TXNDC5: variants seen among roughly 807,000 people sequenced by gnomAD.
TXNDC5 encodes the protein thioredoxin domain containing 5.
TXNDC5 carries 44 observed loss-of-function variants against 52.6 expected under a neutral mutation model. That is an observed-to-expected ratio of 0.84 (90% CI 0.66 to 1.08). The LOEUF (loss-of-function observed/expected upper bound fraction) is 1.08. Ranked by LOEUF, TXNDC5 falls within the 50% of genes least tolerant of loss-of-function variation. The pLI is 0.00. For missense variants in TXNDC5, 600 were observed against 565.5 expected, an observed-to-expected ratio of 1.06 and a Z score of -0.62; for synonymous variants, 241 against 234.4, an observed-to-expected ratio of 1.03 and a Z score of -0.26.
At chr6:7,885,910 T>C (rs1759956361) in intron 8 of TXNDC5, 51 bp downstream of exon 8, 2 of 1,554,822 alleles carry the variant, frequency 1.3e-6, no homozygotes, top group African/African-American at 2.7e-5. Context: ...AAAAACATGA[T>C]GTGACTTAGT....
intron 5 of TXNDC5, among the ~76,000 whole-genome samples, chr6:7,890,039 G>A (rs1225948): frequency 0.32 from 48,167 of 152,018 alleles, 8,254 homozygotes; most frequent in East Asian, 0.65. Context: ...GGAGCAAGAA[G>A]TGAATTTTAA....
chr6:7,883,700 C>T (rs1427673570), intron 9 of TXNDC5, among the ~76,000 whole-genome samples: 6 of 152,088 alleles, frequency 3.9e-5, no homozygotes, highest in Non-Finnish European at 8.8e-5. Flanking sequence ...AGTGGCAACT[C>T]GTTTCTAAGA....
chr6:7,882,378 GT>G lies in TXNDC5; in HGVS notation c.*765del, dbSNP rs1171283333. 1 of 152,188 alleles carries G rather than the reference GT, an allele frequency of 6.6e-6. No individual in the cohort carries two copies. Among genetic ancestry groups the G allele is most frequent in the Non-Finnish European group, 1.5e-5 (1 of 68,056 alleles). The allele number at this position is 152,188 out of a possible 1,614,324, so 9.4% of individuals were successfully genotyped here. A position where few individuals can be genotyped will look rare whatever the true frequency, so the allele number is the denominator to read the frequency against. ...CCCTTTCTAAGGAAGACATCCAACAGTTCATGTGGGCTCTGGCTTCGTGTTA... is the reference window on the plus strand; with the variant it reads ...CCCTTTCTAAGGAAGACATCCAACAGTCATGTGGGCTCTGGCTTCGTGTTA... On this transcript the variant is annotated 3_prime_UTR_variant, in exon 10 of 10. Coordinates refer to ENST00000379757, the MANE Select transcript of TXNDC5 (RefSeq NM_030810.5).
In TXNDC5 at chr6:7,881,872, G is replaced by GCAAAGTGGTTAT. The variant is rs1352219044; in HGVS notation, c.*1260_*1271dup. The GCAAAGTGGTTAT allele has an allele frequency of 1.7e-4, 26 of 152,340 alleles. No homozygotes were observed. Among genetic ancestry groups the GCAAAGTGGTTAT allele is most frequent in the African/African-American group, 6.3e-4 (26 of 41,446 alleles). 9.4% of individuals were successfully genotyped at this position (152,340 alleles called of 1,614,324 possible). On this transcript the variant is annotated 3_prime_UTR_variant, in exon 10 of 10. Coordinates refer to ENST00000379757, the MANE Select transcript of TXNDC5 (RefSeq NM_030810.5). ...GGGAGGTGGGTGAAGAGTGTTGGAT[G>GCAAAGTGGTTAT]CAAAGTGGTTATTATGGGAAGTAGC... is the stretch of plus-strand genomic sequence containing the variant.
intron 4 of TXNDC5, among the ~76,000 whole-genome samples, chr6:7,894,594 C>T (rs1760304167): frequency 6.6e-6 from 1 of 152,166 alleles, no homozygotes; most frequent in Non-Finnish European, 1.5e-5. Flanking sequence ...TATGTTTACA[C>T]TATAGTCTAT....
rs1164593382 is a variant in TXNDC5, at chr6:7,881,690, G to C, written c.*1454C>G. 6.6e-6 allele frequency: 1 copy of C among 152,166 alleles called. No individual in the cohort carries two copies. Among genetic ancestry groups the C allele is most frequent in the Non-Finnish European group, 1.5e-5 (1 of 68,034 alleles). The allele number at this position is 152,166 out of a possible 1,614,324, so 9.4% of individuals were successfully genotyped here. ...GGTTTTTTTAAAAAAAGAATTATCT[G>C]TGAACCATACGTGATTAATAAAGAT... is the stretch of plus-strand genomic sequence containing the variant. On this transcript the variant is annotated 3_prime_UTR_variant, in exon 10 of 10. Transcript: ENST00000379757.
intron 5 of TXNDC5, 67 bp downstream of exon 5, chr6:7,891,554 G>A (rs1760190793): frequency 2.3e-6 from 3 of 1,298,564 alleles, no homozygotes; most frequent in Non-Finnish European, 3.3e-6. Context: ...AATGAATAAT[G>A]GGCCACTCTG....
chr6:7,883,396 A>ATT, intron 9 of TXNDC5, 130 bp from the exon 10 acceptor site: 1 of 1,332,116 alleles, frequency 7.5e-7, no homozygotes, highest in Non-Finnish European at 1.0e-6. Flanking sequence ...TTAAAGGTGT[A>ATT]TATTCCATTA....
chr6:7,897,750 C>G (rs1470463586), intron 3 of TXNDC5, among the ~76,000 whole-genome samples: 1 of 152,204 alleles, frequency 6.6e-6, no homozygotes, highest in African/African-American at 2.4e-5. Flanking sequence ...CTGATACTGG[C>G]TGCTGGTTTC....
At chr6:7,891,402 G>C (rs560687794) in intron 5 of TXNDC5, among the ~76,000 whole-genome samples, 62 of 152,266 alleles carry the variant, frequency 4.1e-4, no homozygotes, top group African/African-American at 1.4e-3. Context: ...AATAAACAAA[G>C]CAGCCGAGGC....
At position 7,910,506 on chromosome 6, in the gene TXNDC5, G is replaced by A; in HGVS notation, c.263+8C>T. 1 of 1,431,208 alleles carries A rather than the reference G, an allele frequency of 7.0e-7. No individual in the cohort carries two copies. The highest frequency in any genetic ancestry group is 3.5e-5 in the East Asian group (1 of 28,682). 88.7% of individuals were successfully genotyped at this position (1,431,208 alleles called of 1,614,324 possible). On this transcript the variant is annotated splice_region_variant and intron_variant, in intron 1 of 9. Transcript: ENST00000379757. ...TGCGGGGCAGGGCGCCGGCCTGCGC[G>A]GCGTTACCAGGGCGCGAAGAACATG...
rs781407423 is a variant in TXNDC5 at position 7,895,601 on chromosome 6, C to T, written c.520-399G>A. ...AATACAAAATACAACGCCCAATGGA[C>T]GTATTCTGAAGGGGTCAGCACTTGC... On this transcript the variant is annotated intron_variant, in intron 3 of 9. Transcript: ENST00000379757. Among the ~76,000 whole-genome samples, 9 of 152,318 alleles carry T rather than the reference C, an allele frequency of 5.9e-5. No individual in the cohort carries two copies. The South Asian group carries it at 6.2e-4, about 11-fold the overall frequency.
intron 2 of TXNDC5, among the ~76,000 whole-genome samples, chr6:7,902,201 G>GGAC (rs1392961054): frequency 6.6e-6 from 1 of 152,146 alleles, no homozygotes; most frequent in Non-Finnish European, 1.5e-5. Flanking sequence ...CCTTGATTTA[G>GGAC]GACCTCTGGC....
intron 4 of TXNDC5, among the ~76,000 whole-genome samples, chr6:7,894,081 T>C (rs1760289650): frequency 6.6e-6 from 1 of 152,164 alleles, no homozygotes; most frequent in Non-Finnish European, 1.5e-5. Context: ...GAGTAACTAA[T>C]TTGATTCATG....
At position 7,896,728 on chromosome 6, in the gene TXNDC5, G is replaced by C. The variant is rs544831109; in HGVS notation, c.520-1526C>G. Among the ~76,000 whole-genome samples, 3 of 152,350 alleles carry C rather than the reference G, an allele frequency of 2.0e-5. 1 individual carries two copies. The highest frequency in any genetic ancestry group is 6.8e-3 in the Middle Eastern group (2 of 294). ...AAATACCGTGTGCCACTCTCCATGA[G>C]ATGTTCAAGGGCCTTTCAGTATGAA... On this transcript the variant is annotated intron_variant, in intron 3 of 9. Coordinates refer to ENST00000379757, the MANE Select transcript of TXNDC5 (RefSeq NM_030810.5).
intron 5 of TXNDC5, among the ~76,000 whole-genome samples, chr6:7,891,164 A>G (rs1294162039): frequency 6.6e-6 from 1 of 152,168 alleles, no homozygotes; most frequent in South Asian, 2.1e-4. Flanking sequence ...GCTTCTCTGT[A>G]TAAAGTAGGA....
At chr6:7,904,787 T>G in intron 1 of TXNDC5, 64 bp from the exon 2 acceptor site, 1 of 1,602,670 alleles carries the variant, frequency 6.2e-7, no homozygotes, top group South Asian at 1.1e-5. Context: ...GCCCACAACT[T>G]CAGCTCTGTC....
rs187873554 is a variant in TXNDC5 at position 7,904,600 on chromosome 6, G to A, written c.387C>T (p.Ser129=). The A allele has an allele frequency of 4.5e-5, 73 of 1,614,200 alleles. No individual in the cohort carries two copies. In the East Asian group the frequency reaches 6.7e-4, roughly 15 times the overall value. ...VDCTAHSDVC[S]AQGVRGYPTL... ...TGGGGTATCCTCGCACCCCCTGGGCGGAGCACACGTCGGAGTGGGCCGTGC... is the reference window on the plus strand; with the variant it reads ...TGGGGTATCCTCGCACCCCCTGGGCAGAGCACACGTCGGAGTGGGCCGTGC... The change falls in exon 2 of 10, where the codon TCC becomes TCT. Residue 129 remains serine (S), a synonymous_variant. Coordinates refer to ENST00000379757, the MANE Select transcript of TXNDC5 (RefSeq NM_030810.5).
rs563525344 is a variant in TXNDC5, at chr6:7,882,177, A to C, written c.*967T>G. 6.5e-6 allele frequency: 1 copy of C among 152,786 alleles called. No homozygotes were observed. Among genetic ancestry groups the C allele is most frequent in the African/African-American group, 2.4e-5 (1 of 41,588 alleles). 9.5% of individuals were successfully genotyped at this position (152,786 alleles called of 1,614,324 possible). On this transcript the variant is annotated 3_prime_UTR_variant, in exon 10 of 10. Transcript: ENST00000379757. ...TCTAAAAGGACTACTGAGAAACAGA[A>C]TCAGAAACTCTAGAACTCTAGTTAG...
Sources: allele counts gnomAD v4.1 joint callset (sites outside exome capture counted in the v4.1 genomes callset), GRCh38; gene constraint gnomAD v4.1.1; transcripts MANE v1.5; gene names NCBI Gene and HGNC (gene_info 2026-07-23, HGNC 2026-07-21).